The following HORMAD2 variants were observed in gnomAD, a reference collection of about 807,000 sequenced individuals.
HORMAD2 encodes HORMA domain containing 2, also known as HORMA domain-containing protein 2.
In HORMAD2, 45 loss-of-function variants were observed where a neutral mutation model predicts 38.8. That is an observed-to-expected ratio of 1.16 (90% CI 0.91 to 1.49). HORMAD2 has a LOEUF of 1.49. HORMAD2 is among the 40% of genes most tolerant of loss of function. HORMAD2 has a pLI of 0.00. For synonymous variants in HORMAD2, 126 were observed against 122.8 expected (o/e 1.03, Z -0.17); for missense variants, 338 against 367.0 (o/e 0.92, Z 0.65).
rs1259989158 is a variant in HORMAD2, at chr22:30,103,439, C to T, written c.196C>T (p.Leu66Phe). The change falls in exon 4 of 11, where the codon CTC (leucine) becomes TTC (phenylalanine). Residue 66 changes from leucine to phenylalanine, a missense_variant and splice_region_variant. Coordinates refer to ENST00000336726, the MANE Select transcript of HORMAD2 (RefSeq NM_152510.4). ...AGACTGTGTTTCTGTTTTTGTAGAC[C>T]TCAGTTTAAAAATCCTCCGAGAAGA... Reference protein sequence around the residue: ...SSYGERHLDDLSLKILREDKK... With the variant: ...SSYGERHLDDFSLKILREDKK... 1 of 1,525,688 alleles carries T rather than the reference C, an allele frequency of 6.6e-7. No homozygotes were observed. Among genetic ancestry groups the T allele is most frequent in the East Asian group, 2.4e-5 (1 of 41,184 alleles). The allele number at this position is 1,525,688 out of a possible 1,614,324, so 94.5% of individuals were successfully genotyped here.
chr22:30,193,455 CT>C, the HORMAD2 span, among the ~76,000 whole-genome samples: 1 of 152,120 alleles, frequency 6.6e-6, no homozygotes, highest in South Asian at 2.1e-4. Flanking sequence ...ATCATTAAAC[CT>C]TGTGAAAGGG....
At chr22:30,207,452 A>G in the HORMAD2 span, among the ~76,000 whole-genome samples, 1 of 152,062 alleles carries the variant, frequency 6.6e-6, no homozygotes, top group African/African-American at 2.4e-5. Context: ...CCATCCTGAA[A>G]CACAGCTTTT....
intron 7 of HORMAD2, 53 bp from the exon 8 acceptor site, chr22:30,118,927 C>T: frequency 8.1e-7 from 1 of 1,240,748 alleles, no homozygotes; most frequent in Non-Finnish European, 1.1e-6. Flanking sequence ...AGGTAAGATT[C>T]TGGATTTCTT....
At chr22:30,079,407 G>T (rs1247606943), upstream of HORMAD2, among the ~76,000 whole-genome samples, 2 of 152,240 alleles carry the variant, frequency 1.3e-5, no homozygotes, top group Admixed American at 1.3e-4. Context: ...ATGTTAAAAA[G>T]AATGCAAAGT....
intron 10 of HORMAD2, among the ~76,000 whole-genome samples, chr22:30,171,928 C>G (rs1394354865): frequency 6.6e-6 from 1 of 152,004 alleles, no homozygotes; most frequent in Admixed American, 6.6e-5. Flanking sequence ...CAAGAGGAAG[C>G]AAGGTATGAG....
chr22:30,109,381 A>G (rs1921457551), intron 5 of HORMAD2, among the ~76,000 whole-genome samples: 1 of 151,466 alleles, frequency 6.6e-6, no homozygotes, highest in East Asian at 1.9e-4. Context: ...GCATTGGCAC[A>G]ATCACAGCTC....
At chr22:30,136,342 T>C (rs1255399409) in intron 10 of HORMAD2, among the ~76,000 whole-genome samples, 1 of 152,198 alleles carries the variant, frequency 6.6e-6, no homozygotes, top group Admixed American at 6.5e-5. Flanking sequence ...ATTTAAAATG[T>C]ACAACTTAAT....
intron 10 of HORMAD2, among the ~76,000 whole-genome samples, chr22:30,154,617 A>T (rs1434465915): frequency 6.6e-6 from 1 of 152,180 alleles, no homozygotes; most frequent in Non-Finnish European, 1.5e-5. Flanking sequence ...AAATTTCTTT[A>T]GCTTCCCTTA....
At chr22:30,131,312 T>C (rs957607586) in intron 10 of HORMAD2, among the ~76,000 whole-genome samples, 1 of 152,220 alleles carries the variant, frequency 6.6e-6, no homozygotes, top group Non-Finnish European at 1.5e-5. Flanking sequence ...TTCCAGTTTA[T>C]TAAGTCATTA....
At chr22:30,122,910 G>T (rs1601542938) in intron 10 of HORMAD2, among the ~76,000 whole-genome samples, 1 of 152,226 alleles carries the variant, frequency 6.6e-6, no homozygotes, top group East Asian at 1.9e-4. Flanking sequence ...GTGTTAAAAG[G>T]GTTCTGAGTT....
chr22:30,091,794 C>T (rs1417049382), intron 1 of HORMAD2, among the ~76,000 whole-genome samples: 1 of 152,148 alleles, frequency 6.6e-6, no homozygotes, highest in African/African-American at 2.4e-5. Context: ...TACTAATTTA[C>T]ATTCTTACCA....
intron 6 of HORMAD2, 93 bp downstream of exon 6, chr22:30,111,909 C>T (rs1921693222): frequency 4.3e-6 from 4 of 928,082 alleles, no homozygotes; most frequent in Non-Finnish European, 4.8e-6. Flanking sequence ...CCCTCTTCCT[C>T]CCTGACTTTT....
chr22:30,112,410 A>T, intron 6 of HORMAD2, 86 bp from the exon 7 acceptor site: 2 of 680,804 alleles, frequency 2.9e-6, no homozygotes, highest in Non-Finnish European at 5.1e-6. Context: ...TAGAACACAA[A>T]TTGAACTCTA....
the HORMAD2 span, among the ~76,000 whole-genome samples, chr22:30,192,593 A>T: frequency 6.6e-6 from 1 of 152,230 alleles, no homozygotes; most frequent in African/African-American, 2.4e-5. Flanking sequence ...GGGTGCACTA[A>T]GAACTAGTCA....
intron 9 of HORMAD2, 44 bp downstream of exon 9, chr22:30,121,833 T>C: frequency 6.4e-7 from 1 of 1,567,738 alleles, no homozygotes; most frequent in Non-Finnish European, 8.6e-7. Flanking sequence ...AGTGCTGAGC[T>C]AATATTTTCT....
At chr22:30,109,890 T>A (rs1921494262) in intron 5 of HORMAD2, among the ~76,000 whole-genome samples, 1 of 152,198 alleles carries the variant, frequency 6.6e-6, no homozygotes, top group Non-Finnish European at 1.5e-5. Flanking sequence ...AGAATATAAC[T>A]TTTTAAGGGT....
intron 10 of HORMAD2, among the ~76,000 whole-genome samples, chr22:30,139,262 A>ATATATATATATC (rs2146174532): frequency 7.9e-6 from 1 of 126,408 alleles, no homozygotes; most frequent in Admixed American, 7.9e-5. Flanking sequence ...TACTATATAT[A>ATATATATATATC]TATATATATA....
intron 10 of HORMAD2, among the ~76,000 whole-genome samples, chr22:30,154,436 A>G (rs1039806289): frequency 6.6e-5 from 10 of 152,218 alleles, no homozygotes; most frequent in African/African-American, 2.4e-4. Flanking sequence ...TAATTCCTAT[A>G]GGCAAGGATA....
upstream of HORMAD2, among the ~76,000 whole-genome samples, chr22:30,078,759 T>G (rs1173920770): frequency 6.6e-6 from 1 of 151,964 alleles, no homozygotes; most frequent in East Asian, 1.9e-4. Context: ...AGCAGTTGAC[T>G]GAGCTCAGAT....
Sources: gnomAD v4.1 joint callset for allele counts (sites outside exome capture counted in the v4.1 genomes callset) on GRCh38, gnomAD v4.1.1 for gene constraint, MANE v1.5 for transcripts, NCBI Gene and HGNC (gene_info 2026-07-23, HGNC 2026-07-21) for gene names.